The following ROBO1 variants were observed in gnomAD, a reference collection of about 807,000 sequenced individuals.
ROBO1 encodes roundabout homolog 1.
A neutral mutation model predicts 195.9 loss-of-function variants in ROBO1; 149 were observed. That is an observed-to-expected ratio of 0.76 (90% CI 0.67 to 0.87). ROBO1 has a LOEUF of 0.87. Among genes scored for constraint, ROBO1 ranks in the 40% least tolerant of loss-of-function variants. The pLI is 0.00. For synonymous variants in ROBO1, 816 were observed against 733.2 expected (o/e 1.11, Z -1.82); for missense variants, 1,933 against 2,068.3 (o/e 0.93, Z 1.27).
At chr3:79,252,494 G>T (rs1465794102) in intron 2 of ROBO1, among the ~76,000 whole-genome samples, 2 of 152,110 alleles carry the variant, frequency 1.3e-5, no homozygotes, top group East Asian at 3.9e-4. Flanking sequence ...TGGAAACTTT[G>T]GGAGGAGCAT....
At chr3:79,019,528 C>G in intron 3 of ROBO1, 1 of 986,086 alleles carries the variant, frequency 1.0e-6, no homozygotes, top group South Asian at 4.7e-5. Context: ...CCCGATAATA[C>G]TTAAAGGGGC....
intron 4 of ROBO1, among the ~76,000 whole-genome samples, chr3:78,814,198 T>C (rs1201537350): frequency 1.3e-5 from 2 of 152,046 alleles, no homozygotes; most frequent in Non-Finnish European, 2.9e-5. Context: ...GGAAAGAAAT[T>C]ATTTATTATC....
At chr3:78,634,495 T>C (rs1346754649) in intron 23 of ROBO1, 1 of 366,150 alleles carries the variant, frequency 2.7e-6, no homozygotes, top group East Asian at 8.9e-5. Flanking sequence ...ATCTGTCGTC[T>C]AGTTGCATTC....
At chr3:79,676,884 G>C (rs941012657) in intron 1 of ROBO1, among the ~76,000 whole-genome samples, 10 of 152,078 alleles carry the variant, frequency 6.6e-5, no homozygotes, top group Non-Finnish European at 1.3e-4. Context: ...CCATACTTAG[G>C]ATCCAAATCA....
chr3:79,364,021 G>T (rs1241385403), intron 2 of ROBO1, among the ~76,000 whole-genome samples: 1 of 151,886 alleles, frequency 6.6e-6, no homozygotes, highest in Non-Finnish European at 1.5e-5. Flanking sequence ...TGGCTAACAT[G>T]GTGAAACTCC....
chr3:79,536,573 T>C (rs1412709169), intron 2 of ROBO1, among the ~76,000 whole-genome samples: 1 of 152,144 alleles, frequency 6.6e-6, no homozygotes, highest in Non-Finnish European at 1.5e-5. Context: ...TTAGAAGAAT[T>C]TTTCAAAGCA....
At chr3:79,094,386 A>T (rs544851394) in intron 3 of ROBO1, among the ~76,000 whole-genome samples, 2 of 152,126 alleles carry the variant, frequency 1.3e-5, no homozygotes, top group Non-Finnish European at 2.9e-5. Context: ...TGGTGAGAGT[A>T]TAAGTCAGAA....
At chr3:79,075,582 G>T (rs992708271) in intron 3 of ROBO1, among the ~76,000 whole-genome samples, 13 of 151,868 alleles carry the variant, frequency 8.6e-5, no homozygotes, top group Admixed American at 6.6e-5. Flanking sequence ...TTTTATAGTG[G>T]CACCAAGGAA....
At chr3:78,667,643 G>A (rs1292634956) in intron 14 of ROBO1, among the ~76,000 whole-genome samples, 2 of 151,796 alleles carry the variant, frequency 1.3e-5, no homozygotes, top group African/African-American at 4.8e-5. Context: ...TGATATATTT[G>A]TAATTTTATG....
intron 3 of ROBO1, among the ~76,000 whole-genome samples, chr3:78,992,278 A>G (rs939546986): frequency 6.7e-6 from 1 of 150,062 alleles, no homozygotes; most frequent in East Asian, 2.0e-4. Context: ...TCATCTCGCT[A>G]AGCCAACCTC....
intron 5 of ROBO1, among the ~76,000 whole-genome samples, chr3:78,738,078 G>A (rs1010805071): frequency 3.3e-5 from 5 of 152,118 alleles, no homozygotes; most frequent in African/African-American, 9.7e-5. Flanking sequence ...AAGAGCAGAC[G>A]AAAGCACTAA....
intron 5 of ROBO1, among the ~76,000 whole-genome samples, chr3:78,719,647 A>T (rs1390009540): frequency 6.6e-6 from 1 of 152,204 alleles, no homozygotes; most frequent in African/African-American, 2.4e-5. Flanking sequence ...TAAATGTTCA[A>T]GAAATTTTAC....
intron 2 of ROBO1, among the ~76,000 whole-genome samples, chr3:79,282,081 C>T (rs1029551930): frequency 2.6e-5 from 4 of 152,068 alleles, no homozygotes; most frequent in Middle Eastern, 3.4e-3. Context: ...TAGGGACAGG[C>T]ACATGAAGTG....
intron 1 of ROBO1, among the ~76,000 whole-genome samples, chr3:79,672,692 C>A (rs1031719724): frequency 2.6e-5 from 4 of 151,860 alleles, no homozygotes; most frequent in African/African-American, 9.7e-5. Flanking sequence ...AACCAGTATG[C>A]AAACCTAAAT....
chr3:79,222,079 G>T (rs1362266296), intron 2 of ROBO1, among the ~76,000 whole-genome samples: 1 of 151,950 alleles, frequency 6.6e-6, no homozygotes, highest in Non-Finnish European at 1.5e-5. Flanking sequence ...GTGATTTTCT[G>T]CCTCTCTTAC....
chr3:79,331,322 A>T (rs1292711248), intron 2 of ROBO1, among the ~76,000 whole-genome samples: 1 of 152,214 alleles, frequency 6.6e-6, no homozygotes, highest in Non-Finnish European at 1.5e-5. Context: ...AGAAAGCCTT[A>T]TGAAACATTT....
chr3:78,727,196 C>T (rs893709252), intron 5 of ROBO1, among the ~76,000 whole-genome samples: 2 of 151,752 alleles, frequency 1.3e-5, no homozygotes, highest in African/African-American at 4.8e-5. Context: ...ATCATAGTAA[C>T]ATAAAAATAT....
intron 4 of ROBO1, among the ~76,000 whole-genome samples, chr3:78,853,226 G>A (rs2034183315): frequency 6.6e-6 from 1 of 151,846 alleles, no homozygotes; most frequent in Admixed American, 6.6e-5. Flanking sequence ...GAGTACGGGA[G>A]AGGTGATGGG....
intron 3 of ROBO1, among the ~76,000 whole-genome samples, chr3:79,050,521 T>C (rs1192208039): frequency 6.6e-6 from 1 of 152,108 alleles, no homozygotes; most frequent in Non-Finnish European, 1.5e-5. Flanking sequence ...TATCCAGGAC[T>C]TGAACTCAGC....
Sources: allele counts gnomAD v4.1 joint callset (sites outside exome capture counted in the v4.1 genomes callset), GRCh38; gene constraint gnomAD v4.1.1; transcripts MANE v1.5; gene names NCBI Gene and HGNC (gene_info 2026-07-23, HGNC 2026-07-21).